The following TAT variants were observed in gnomAD, a reference collection of about 807,000 sequenced individuals.
The protein encoded by TAT is L-tyrosine:2-oxoglutarate aminotransferase.
Under a neutral mutation model 53.6 loss-of-function variants are expected in TAT, and 35 were observed. The observed-to-expected ratio is 0.65, with a 90% CI of 0.50 to 0.87. The LOEUF (loss-of-function observed/expected upper bound fraction) is 0.87. Ranked by LOEUF, TAT falls within the 40% of genes least tolerant of loss-of-function variation. TAT has a pLI of 0.00. For synonymous variants in TAT, 197 were observed against 206.5 expected, an observed-to-expected ratio of 0.95 and a Z score of 0.39; for missense variants, 525 against 571.8, an observed-to-expected ratio of 0.92 and a Z score of 0.83.
At chr16:71,575,059 A>G (rs1372757198) in intron 3 of TAT, 2 of 152,234 alleles carry the variant, frequency 1.3e-5, no homozygotes, top group Admixed American at 6.5e-5. Flanking sequence ...AAGTCATTAG[A>G]AACTTTTTTT....
chr16:71,572,351 AGAT>A, intron 5 of TAT, 27 bp from the exon 6 acceptor site: 12 of 1,614,116 alleles, frequency 7.4e-6, no homozygotes, highest in Non-Finnish European at 1.0e-5. Context: ...GATGAGACTA[AGAT>A]GATTCTGAAA....
At chr16:71,572,838 AT>A (rs1436548782) in intron 4 of TAT, 150 bp from the exon 5 acceptor site, 8 of 815,056 alleles carry the variant, frequency 9.8e-6, no homozygotes, top group Middle Eastern at 5.0e-4. Flanking sequence ...ACCAAAAGAA[AT>A]TTATATATGT....
At chr16:71,576,961 G>C (rs2044238327) in intron 1 of TAT, 48 bp downstream of exon 1, 1 of 172,194 alleles carries the variant, frequency 5.8e-6, no homozygotes, top group African/African-American at 2.4e-5. Flanking sequence ...AAAATTAACA[G>C]CTCAATCAGT....
Position 71,569,854 on chromosome 16 carries a change from C to T in TAT, c.1125G>A (p.Met375Ile). ...PVRPSGAMYL[M>I]VGIEMEHFPE... ...TAGTGCCTGCCACCCACATACTCAC[C>T]ATGAGGTACATAGCCCCAGAAGGGC... Residue 375 changes from methionine to isoleucine, a missense_variant and splice_region_variant, in exon 10 of 12, where the codon ATG becomes ATA. By Grantham distance (10) the Met-to-Ile change is conservative. Transcript: ENST00000355962. The T allele has an allele frequency of 6.2e-7, 1 of 1,613,466 alleles. No homozygotes were observed. Among genetic ancestry groups the T allele is most frequent in the Non-Finnish European group, 8.5e-7 (1 of 1,179,754 alleles).
chr16:71,568,289 A>G lies in TAT; in HGVS notation c.1225-5T>C, dbSNP rs760804060. On this transcript the variant is annotated splice_polypyrimidine_tract_variant and splice_region_variant and intron_variant, in intron 11 of 11. Transcript: ENST00000355962. ...GAAATTCGGGTACTCAAAGCACTGC[A>G]AAAAGAAGAGTCTGTTACTTTCAGA... 7 of 1,614,020 alleles carry G rather than the reference A, an allele frequency of 4.3e-6. No individual in the cohort carries two copies. The highest frequency in any genetic ancestry group is 5.9e-6 in the Non-Finnish European group (7 of 1,180,042).
intron 10 of TAT, 47 bp from the exon 11 acceptor site, chr16:71,568,856 C>T: frequency 7.0e-7 from 1 of 1,429,692 alleles, no homozygotes; most frequent in Non-Finnish European, 9.8e-7. Context: ...GGAGGGAGAA[C>T]AGGCCAATTT....
chr16:71,575,087 T>G (rs2044226694), intron 3 of TAT: 1 of 152,226 alleles, frequency 6.6e-6, no homozygotes, highest in Non-Finnish European at 1.5e-5. Context: ...CTTTTGGTCT[T>G]GATTTTGCTT....
At position 71,568,044 on chromosome 16, in the gene TAT, G is replaced by A. The variant is rs2044176148; in HGVS notation, c.*100C>T. 1.4e-6 allele frequency: 2 copies of A among 1,432,992 alleles called. No homozygotes were observed. The highest frequency in any genetic ancestry group is 2.3e-5 in the South Asian group (2 of 86,670). 88.8% of individuals were successfully genotyped at this position (1,432,992 alleles called of 1,614,324 possible). On this transcript the variant is annotated 3_prime_UTR_variant, in exon 12 of 12. Transcript: ENST00000355962. Reference sequence around the variant, plus strand: ...TGAACCCTTGACATGGTGCATTTGAGGCCCCTCTCCCAGTAGGGCCACCTG... The same window carrying A: ...TGAACCCTTGACATGGTGCATTTGAAGCCCCTCTCCCAGTAGGGCCACCTG...
At chr16:71,576,456 G>A (rs1269165674) in intron 1 of TAT, 29 bp from the exon 2 acceptor site, 1 of 1,586,966 alleles carries the variant, frequency 6.3e-7, no homozygotes. Flanking sequence ...TCCCTGTGAT[G>A]TTGATAACAT....
Position 71,569,881 on chromosome 16 carries a change from G to C in TAT, c.1098C>G (p.Val366=), listed in dbSNP as rs1019496970. The change falls in exon 10 of 12, where the codon GTC becomes GTG. Residue 366 remains valine, a synonymous_variant. Coordinates refer to ENST00000355962, the MANE Select transcript of TAT (RefSeq NM_000353.3). ...TGAGGTACATAGCCCCAGAAGGGCG[G>C]ACTGGCCGGAGTCCAGGGATGGCAG... The part of the protein sequence containing the change: ...ALAAIPGLRP[V]RPSGAMYLMV... 1.2e-6 allele frequency: 2 copies of C among 1,613,856 alleles called. No individual in the cohort carries two copies. The highest frequency in any genetic ancestry group is 2.7e-5 in the African/African-American group (2 of 74,940).
Position 71,566,993 on chromosome 16 carries a change from G to C in TAT, c.*1151C>G, listed in dbSNP as rs1227407691. 1 of 151,972 alleles carries C rather than the reference G, an allele frequency of 6.6e-6. No individual in the cohort carries two copies. Among genetic ancestry groups the C allele is most frequent in the African/African-American group, 2.4e-5 (1 of 41,352 alleles). 9.4% of individuals were successfully genotyped at this position (151,972 alleles called of 1,614,324 possible). A position where few individuals can be genotyped will look rare whatever the true frequency, so the allele number is the denominator to read the frequency against. On this transcript the variant is annotated 3_prime_UTR_variant, in exon 12 of 12. Transcript: ENST00000355962. ...TTAATAAATCAATATTAACATTACAGCAAAAGTAATAATGATTATATAACA... is the reference window on the plus strand; with the variant it reads ...TTAATAAATCAATATTAACATTACACCAAAAGTAATAATGATTATATAACA...
Position 71,568,750 on chromosome 16 carries a change from C to T in TAT, c.1185G>A (p.Arg395=), listed in dbSNP as rs1338032903. 1 of 1,614,032 alleles carries T rather than the reference C, an allele frequency of 6.2e-7. No individual in the cohort carries two copies. The highest frequency in any genetic ancestry group is 1.3e-5 in the African/African-American group (1 of 75,044). Residue 395 remains arginine, a synonymous_variant, in exon 11 of 12, where the codon CGG becomes CGA. Coordinates refer to ENST00000355962, the MANE Select transcript of TAT (RefSeq NM_000353.3). ...AGTGGACAGACTGCTCAGCAACTAA[C>T]CGCTCCGTGAACTCCACATCGTTCT... ...EFENDVEFTE[R]LVAEQSVHCL... is the part of the protein sequence containing the mutation.
intron 6 of TAT, 94 bp from the exon 7 acceptor site, chr16:71,571,752 T>A (rs766719679): frequency 9.8e-6 from 12 of 1,225,850 alleles, no homozygotes; most frequent in Non-Finnish European, 1.4e-5. Flanking sequence ...TCCCGTAATA[T>A]TAAGAAGTTA....
intron 3 of TAT, among the ~76,000 whole-genome samples, chr16:71,574,711 T>G (rs2044225301): frequency 6.6e-6 from 1 of 152,240 alleles, no homozygotes; most frequent in Non-Finnish European, 1.5e-5. Context: ...TCAAATTATT[T>G]TTGTACAATA....
intron 3 of TAT, among the ~76,000 whole-genome samples, chr16:71,574,872 C>A (rs1053803168): frequency 1.3e-5 from 2 of 152,100 alleles, no homozygotes; most frequent in Non-Finnish European, 2.9e-5. Flanking sequence ...ATGGGTGTCT[C>A]AAAGTTATAC....
chr16:71,573,798 T>A (rs540241754), intron 3 of TAT, among the ~76,000 whole-genome samples, 192 bp from the exon 4 acceptor site: 62 of 152,034 alleles, frequency 4.1e-4, no homozygotes, highest in Non-Finnish European at 7.8e-4. Context: ...ATTCAGCTAA[T>A]TTTTGAATTT....
chr16:71,571,790 A>G, intron 6 of TAT, 132 bp from the exon 7 acceptor site: 1 of 917,502 alleles, frequency 1.1e-6, no homozygotes, highest in Non-Finnish European at 1.7e-6. Context: ...GACAAAAAGC[A>G]CAAGCAAAGT....
intron 4 of TAT, among the ~76,000 whole-genome samples, chr16:71,573,067 T>C (rs1250485881): frequency 6.6e-6 from 1 of 152,216 alleles, no homozygotes; most frequent in Non-Finnish European, 1.5e-5. Flanking sequence ...CACAGTAGAC[T>C]ATAGAGGGAA....
chr16:71,572,796 G>T, intron 4 of TAT, 108 bp from the exon 5 acceptor site: 2 of 1,233,088 alleles, frequency 1.6e-6, no homozygotes, highest in South Asian at 1.3e-5. Flanking sequence ...CCTTTAACAA[G>T]TTGTAAGTAG....
Sources: gnomAD v4.1 joint callset for allele counts (sites outside exome capture counted in the v4.1 genomes callset) on GRCh38, gnomAD v4.1.1 for gene constraint, MANE v1.5 for transcripts, NCBI Gene and HGNC (gene_info 2026-07-23, HGNC 2026-07-21) for gene names.